PTPRD: variants seen among roughly 807,000 people sequenced by gnomAD.
PTPRD encodes the protein receptor-type tyrosine-protein phosphatase delta.
Under a neutral mutation model 214.5 loss-of-function variants are expected in PTPRD, and 34 were observed. The ratio of observed to expected loss-of-function variants is 0.16; its 90% CI spans 0.12 to 0.21. The LOEUF (loss-of-function observed/expected upper bound fraction) is 0.21, where lower values mean the gene tolerates loss of function less well. Ranked by LOEUF, PTPRD falls within the 10% of genes least tolerant of loss-of-function variation. PTPRD has a pLI of 1.00. For synonymous variants in PTPRD, 1,128 were observed against 845.7 expected (o/e 1.33, Z -5.79); for missense variants, 2,545 against 2,398.7 (o/e 1.06, Z -1.27).
At chr9:9,282,041 A>G (rs1947890153) in intron 9 of PTPRD, among the ~76,000 whole-genome samples, 1 of 151,372 alleles carries the variant, frequency 6.6e-6, no homozygotes, top group Admixed American at 6.6e-5. Flanking sequence ...ACCTATATAA[A>G]TTTCTAGAAG....
chr9:10,001,388 G>C (rs1284168236), intron 4 of PTPRD, among the ~76,000 whole-genome samples: 1 of 152,134 alleles, frequency 6.6e-6, no homozygotes, highest in African/African-American at 2.4e-5. Context: ...AATTTGGTAA[G>C]AAGACAATCT....
chr9:9,344,440 C>T (rs1279516523), intron 9 of PTPRD, among the ~76,000 whole-genome samples: 1 of 151,782 alleles, frequency 6.6e-6, no homozygotes, highest in Non-Finnish European at 1.5e-5. Context: ...CACATGTATG[C>T]TTATGTGACA....
At chr9:10,055,248 G>C (rs546595391) in intron 3 of PTPRD, among the ~76,000 whole-genome samples, 6 of 152,158 alleles carry the variant, frequency 3.9e-5, no homozygotes, top group African/African-American at 1.4e-4. Context: ...TGCTTTACTG[G>C]TCTGGTGCGA....
intron 12 of PTPRD, among the ~76,000 whole-genome samples, chr9:8,720,628 G>T (rs1318814361): frequency 2.0e-5 from 3 of 151,928 alleles, no homozygotes; most frequent in Non-Finnish European, 2.9e-5. Flanking sequence ...TAAAAGAATG[G>T]AAATCATTTT....
intron 2 of PTPRD, among the ~76,000 whole-genome samples, chr9:10,610,639 C>G (rs779263301): frequency 7.2e-5 from 11 of 151,892 alleles, no homozygotes; most frequent in Non-Finnish European, 1.3e-4. Context: ...CATTTTTAAA[C>G]CAATAATAGA....
In PTPRD at chr9:9,765,707, C is replaced by T. The variant is rs112195225; in HGVS notation, c.-326+1103G>A. ...ACGGAGTCTCGCTCTGTCGCCCAGG[C>T]TGGAGTGCAGTGGCATGATCTCGGC... On this transcript the variant is annotated intron_variant, in intron 6 of 45. Coordinates refer to ENST00000381196, the MANE Select transcript of PTPRD (RefSeq NM_002839.4). Among the ~76,000 whole-genome samples, 98 of 152,358 alleles carry T rather than the reference C, an allele frequency of 6.4e-4. 1 individual carries two copies. Among genetic ancestry groups the T allele is most frequent in the African/African-American group, 2.3e-3 (94 of 41,588 alleles).
At chr9:9,512,209 C>T (rs954421085) in intron 8 of PTPRD, among the ~76,000 whole-genome samples, 1 of 151,686 alleles carries the variant, frequency 6.6e-6, no homozygotes, top group Non-Finnish European at 1.5e-5. Flanking sequence ...ACATGATTAG[C>T]GATTGAAAAC....
chr9:8,461,215 T>C (rs1003785197), intron 32 of PTPRD, among the ~76,000 whole-genome samples: 9 of 152,020 alleles, frequency 5.9e-5, no homozygotes, highest in Admixed American at 2.0e-4. Context: ...AGATGCGAGA[T>C]GTACAGAATT....
chr9:9,261,080 T>C (rs959462977), intron 9 of PTPRD, among the ~76,000 whole-genome samples: 2 of 151,870 alleles, frequency 1.3e-5, no homozygotes, highest in Admixed American at 6.6e-5. Context: ...TATTTTCTCA[T>C]AAAAGACTAG....
intron 14 of PTPRD, among the ~76,000 whole-genome samples, chr9:8,606,875 T>G (rs1036874841): frequency 6.6e-6 from 1 of 152,214 alleles, no homozygotes; most frequent in African/African-American, 2.4e-5. Flanking sequence ...TGTCACAGTT[T>G]TTTTTGTGTG....
chr9:9,061,994 C>T (rs1333001046), intron 10 of PTPRD, among the ~76,000 whole-genome samples: 1 of 152,064 alleles, frequency 6.6e-6, no homozygotes, highest in African/African-American at 2.4e-5. Flanking sequence ...TGCCTCTGAA[C>T]ATGAAACCTT....
intron 11 of PTPRD, among the ~76,000 whole-genome samples, chr9:8,830,652 T>A (rs921820350): frequency 5.9e-5 from 9 of 152,138 alleles, no homozygotes; most frequent in Non-Finnish European, 1.5e-5. Context: ...AGGGGGCATG[T>A]TCCTCCCAGT....
intron 9 of PTPRD, among the ~76,000 whole-genome samples, chr9:9,346,679 C>T (rs748825952): frequency 1.3e-5 from 2 of 151,986 alleles, no homozygotes; most frequent in African/African-American, 4.8e-5. Flanking sequence ...CTATTAAATA[C>T]ATAAAGTGCC....
At chr9:9,729,977 A>G (rs1173959217) in intron 7 of PTPRD, among the ~76,000 whole-genome samples, 3 of 152,154 alleles carry the variant, frequency 2.0e-5, no homozygotes, top group Admixed American at 6.6e-5. Flanking sequence ...AGATTGGTAT[A>G]TATGTTTGGT....
chr9:10,215,034 G>C (rs2099534987), intron 3 of PTPRD, among the ~76,000 whole-genome samples: 1 of 152,042 alleles, frequency 6.6e-6, no homozygotes. Flanking sequence ...AGTAGAAGCT[G>C]ATTCCATACT....
At chr9:9,405,182 A>G (rs2072777594) in intron 8 of PTPRD, among the ~76,000 whole-genome samples, 1 of 152,116 alleles carries the variant, frequency 6.6e-6, no homozygotes. Flanking sequence ...AAATTATGAT[A>G]TTGATTTTCT....
In PTPRD at chr9:9,707,756, T is replaced by A. The variant is rs368902076; in HGVS notation, c.-287+26777A>T. ...TCATGTACGTTTATCTTATTTTTGA[T>A]GATAGAGTTAGCAGTGCCACTATTC... On this transcript the variant is annotated intron_variant, in intron 7 of 45. Coordinates refer to ENST00000381196, the MANE Select transcript of PTPRD (RefSeq NM_002839.4). 1.1e-3 allele frequency among the ~76,000 whole-genome samples: 171 copies of A among 152,222 alleles called. 2 individuals are homozygous for A. The highest frequency in any genetic ancestry group is 4.0e-3 in the African/African-American group (165 of 41,558).
intron 2 of PTPRD, among the ~76,000 whole-genome samples, chr9:10,421,244 G>A (rs1284706432): frequency 6.6e-6 from 1 of 151,722 alleles, no homozygotes; most frequent in East Asian, 2.0e-4. Flanking sequence ...CCCTAGCTAG[G>A]TGCACATGCC....
chr9:8,487,164 G>A (rs1236601122), intron 27 of PTPRD, among the ~76,000 whole-genome samples: 1 of 152,164 alleles, frequency 6.6e-6, no homozygotes, highest in African/African-American at 2.4e-5. Context: ...GGAAATTCAT[G>A]TAAAAGTCTT....
Sources: allele counts gnomAD v4.1 joint callset (sites outside exome capture counted in the v4.1 genomes callset), GRCh38; gene constraint gnomAD v4.1.1; transcripts MANE v1.5; gene names NCBI Gene and HGNC (gene_info 2026-07-23, HGNC 2026-07-21).